The following ZNF385B variants were observed in gnomAD, a reference collection of about 807,000 sequenced individuals.
The protein encoded by ZNF385B is zinc finger protein 385B.
A neutral mutation model predicts 39.2 loss-of-function variants in ZNF385B; 23 were observed. That is an observed-to-expected ratio of 0.59 (90% confidence interval 0.42 to 0.83). ZNF385B has a LOEUF of 0.83. ZNF385B is among the 40% of genes least tolerant of loss of function. The pLI, the probability that ZNF385B is intolerant of heterozygous loss-of-function variation, is 0.00. For missense variants in ZNF385B, 552 were observed against 598.9 expected (o/e 0.92, Z 0.82); for synonymous variants, 205 against 222.6 (o/e 0.92, Z 0.70).
intron 1 of ZNF385B, among the ~76,000 whole-genome samples, chr2:179,831,848 A>T (rs555832970): frequency 3.9e-4 from 59 of 152,282 alleles, no homozygotes; most frequent in Middle Eastern, 3.4e-3. Context: ...CAATTTATGG[A>T]CTCATAAAGA....
chr2:179,652,504 G>C (rs1433896466), intron 3 of ZNF385B, among the ~76,000 whole-genome samples: 1 of 152,088 alleles, frequency 6.6e-6, no homozygotes, highest in Non-Finnish European at 1.5e-5. Context: ...CTAGCAGTGA[G>C]TCTTTAAACT....
At chr2:179,478,330 C>T (rs909352932) in intron 6 of ZNF385B, among the ~76,000 whole-genome samples, 2 of 152,140 alleles carry the variant, frequency 1.3e-5, no homozygotes, top group African/African-American at 4.8e-5. Context: ...CCCATATGTA[C>T]TATGCTATTT....
At chr2:179,832,935 C>T (rs1708058869) in intron 1 of ZNF385B, among the ~76,000 whole-genome samples, 1 of 151,984 alleles carries the variant, frequency 6.6e-6, no homozygotes, top group African/African-American at 2.4e-5. Flanking sequence ...GTGAAAATAA[C>T]AATGTTATAT....
At chr2:179,811,569 A>C in intron 1 of ZNF385B, among the ~76,000 whole-genome samples, 1 of 152,218 alleles carries the variant, frequency 6.6e-6, no homozygotes, top group East Asian at 1.9e-4. Context: ...CCTATTCAGT[A>C]AATGGTGCTG....
chr2:179,852,137 T>C (rs1006896257), intron 1 of ZNF385B, among the ~76,000 whole-genome samples: 6 of 152,140 alleles, frequency 3.9e-5, no homozygotes, highest in African/African-American at 1.2e-4. Flanking sequence ...ATCTGTACAT[T>C]TGGCACAGTC....
intron 3 of ZNF385B, among the ~76,000 whole-genome samples, chr2:179,761,751 T>TTTTTC (rs1191690635): frequency 1.4e-5 from 2 of 145,328 alleles, no homozygotes; most frequent in African/African-American, 5.0e-5. Context: ...GCTAACATTT[T>TTTTTC]TTTTCTTTTC....
intron 3 of ZNF385B, among the ~76,000 whole-genome samples, chr2:179,709,332 C>T (rs1339757371): frequency 1.3e-5 from 2 of 152,172 alleles, no homozygotes; most frequent in African/African-American, 4.8e-5. Context: ...GTTCTGTCTG[C>T]CATTATGGGT....
rs373365429 is a variant in ZNF385B at position 179,805,292 on chromosome 2, G to A, written c.-154-34620C>T. Among the ~76,000 whole-genome samples the A allele has an allele frequency of 2.7e-3, 407 of 152,208 alleles. 1 individual carries two copies. Among genetic ancestry groups the A allele is most frequent in the African/African-American group, 9.3e-3 (386 of 41,530 alleles). On this transcript the variant is annotated intron_variant, in intron 1 of 9. Coordinates refer to ENST00000410066, the MANE Select transcript of ZNF385B (RefSeq NM_152520.6). ...GTGAATGAAACATCCTGGATGGTCC[G>A]GTCCAGCCAAGTCCCAAATGAATGC...
At chr2:179,631,867 C>A (rs1481380418) in intron 3 of ZNF385B, among the ~76,000 whole-genome samples, 10 of 151,298 alleles carry the variant, frequency 6.6e-5, no homozygotes, top group Admixed American at 1.3e-4. Context: ...CAAAAACAAA[C>A]AAAAAAAACA....
chr2:179,466,260 GATGAA>G (rs2052002004), intron 6 of ZNF385B, among the ~76,000 whole-genome samples: 1 of 151,914 alleles, frequency 6.6e-6, no homozygotes. Flanking sequence ...TTTGATGTTT[GATGAA>G]ATGAACAAAT....
intron 3 of ZNF385B, among the ~76,000 whole-genome samples, chr2:179,570,665 G>A (rs988837182): frequency 6.6e-6 from 1 of 152,160 alleles, no homozygotes; most frequent in Non-Finnish European, 1.5e-5. Flanking sequence ...CTGGCATTTA[G>A]AAATGCCTAT....
intron 3 of ZNF385B, among the ~76,000 whole-genome samples, chr2:179,701,730 C>T (rs952112892): frequency 1.2e-4 from 18 of 152,176 alleles, no homozygotes; most frequent in African/African-American, 4.1e-4. Flanking sequence ...GAGATTTCTG[C>T]CACCTCAGGT....
chr2:179,642,716 G>C (rs147260519), intron 3 of ZNF385B, among the ~76,000 whole-genome samples: 1 of 152,240 alleles, frequency 6.6e-6, no homozygotes, highest in East Asian at 1.9e-4. Flanking sequence ...AAGAGTAAAG[G>C]CAGAGCTGCC....
chr2:179,768,513 C>T (rs1416225849), intron 3 of ZNF385B, among the ~76,000 whole-genome samples: 1 of 152,140 alleles, frequency 6.6e-6, no homozygotes, highest in Non-Finnish European at 1.5e-5. Flanking sequence ...ACACCAAGAA[C>T]CATGTAACAG....
intron 3 of ZNF385B, among the ~76,000 whole-genome samples, chr2:179,601,203 T>A (rs1688383679): frequency 6.6e-6 from 1 of 152,122 alleles, no homozygotes. Flanking sequence ...AAAAGCTGCA[T>A]TTAGGTTTGG....
chr2:179,796,106 CTT>C (rs1352827102), intron 1 of ZNF385B: 2 of 152,076 alleles, frequency 1.3e-5, no homozygotes, highest in Non-Finnish European at 2.9e-5. Context: ...AGCATGTACT[CTT>C]ATACCAATCT....
At chr2:179,540,471 A>G (rs74808528) in intron 4 of ZNF385B, among the ~76,000 whole-genome samples, 22,220 of 151,626 alleles carry the variant, frequency 0.15, 1,696 homozygotes, top group Middle Eastern at 0.18. Context: ...AAAACAAAAC[A>G]CCAACCAAAC....
intron 1 of ZNF385B, among the ~76,000 whole-genome samples, chr2:179,776,384 T>C (rs1704318097): frequency 6.6e-6 from 1 of 152,126 alleles, no homozygotes; most frequent in Non-Finnish European, 1.5e-5. Flanking sequence ...AAGCTGACCC[T>C]TGAAATGGGG....
intron 3 of ZNF385B, among the ~76,000 whole-genome samples, chr2:179,552,402 T>C (rs907257409): frequency 1.3e-5 from 2 of 149,300 alleles, no homozygotes; most frequent in African/African-American, 5.0e-5. Flanking sequence ...TTTCTTCTTA[T>C]GCCATTATTA....
Sources: allele counts gnomAD v4.1 joint callset (sites outside exome capture counted in the v4.1 genomes callset), GRCh38; gene constraint gnomAD v4.1.1; transcripts MANE v1.5; gene names NCBI Gene and HGNC (gene_info 2026-07-23, HGNC 2026-07-21).